Variants in MYZAP observed in about 807,000 individuals in gnomAD.
MYZAP encodes the protein myocardial zonula adherens protein, also known as GRINL1A complex locus upstream.
MYZAP carries 66 observed loss-of-function variants against 69.4 expected under a neutral mutation model. The observed-to-expected ratio is 0.95, with a 90% confidence interval of 0.78 to 1.17. The LOEUF (loss-of-function observed/expected upper bound fraction) is 1.17. MYZAP is among the 50% of genes most tolerant of loss of function. The pLI is 0.00. For synonymous variants in MYZAP, 256 were observed against 205.9 expected, an observed-to-expected ratio of 1.24 and a Z score of -2.09; for missense variants, 611 against 556.2, an observed-to-expected ratio of 1.10 and a Z score of -0.99.
chr15:57,652,868 G>A (rs1308046131), intron 10 of MYZAP, among the ~76,000 whole-genome samples: 2 of 152,118 alleles, frequency 1.3e-5, no homozygotes, highest in Non-Finnish European at 2.9e-5. Context: ...ATAACGTGAT[G>A]GCATAAATTT....
intron 8 of MYZAP, among the ~76,000 whole-genome samples, chr15:57,637,486 A>T (rs775739680): frequency 3.9e-5 from 6 of 152,180 alleles, no homozygotes; most frequent in Non-Finnish European, 7.3e-5. Context: ...TTTATTTAGG[A>T]TGTTTTGTCT....
At chr15:57,673,300 A>T (rs115041361) in intron 11 of MYZAP, among the ~76,000 whole-genome samples, 336 of 152,294 alleles carry the variant, frequency 2.2e-3, no homozygotes, top group African/African-American at 7.9e-3. Flanking sequence ...AAGTCTTTAC[A>T]CTAAGAAGGG....
intron 10 of MYZAP, among the ~76,000 whole-genome samples, chr15:57,642,582 G>A (rs987570041): frequency 1.3e-5 from 2 of 152,118 alleles, no homozygotes; most frequent in Non-Finnish European, 2.9e-5. Context: ...ACCATGGATG[G>A]AAGTCTCGTC....
intron 11 of MYZAP, among the ~76,000 whole-genome samples, chr15:57,662,947 TA>T: frequency 6.6e-6 from 1 of 152,224 alleles, no homozygotes; most frequent in African/African-American, 2.4e-5. Context: ...TGAAGCTGAG[TA>T]AATGGGTATT....
rs2036646418 is a variant in MYZAP at position 57,633,727 on chromosome 15, G to A, written c.919G>A (p.Glu307Lys). Residue 307 changes from glutamate to lysine, a missense_variant, in exon 8 of 13, where the codon GAG becomes AAG. By Grantham distance (56) the Glu-to-Lys change is moderately conservative. Coordinates refer to ENST00000267853, the MANE Select transcript of MYZAP (RefSeq NM_001018100.5). ...QRIGELDRLI[E>K]RMEKERHQLQ... ...GATCGGGGAGCTGGACAGGCTGATT[G>A]AGCGCATGGAAAAGGTAGGACACAG... 1 of 1,607,972 alleles carries A rather than the reference G, an allele frequency of 6.2e-7. No homozygotes were observed. Among genetic ancestry groups the A allele is most frequent in the Non-Finnish European group, 8.5e-7 (1 of 1,177,364 alleles).
chr15:57,684,111 G>C (rs1303208131), intron 12 of MYZAP, among the ~76,000 whole-genome samples: 1 of 120,900 alleles, frequency 8.3e-6, no homozygotes, highest in Non-Finnish European at 1.9e-5. Flanking sequence ...TCTCTCATAA[G>C]GCCACTAATC....
At chr15:57,660,468 C>G (rs377233819) in intron 10 of MYZAP, among the ~76,000 whole-genome samples, 1 of 152,036 alleles carries the variant, frequency 6.6e-6, no homozygotes, top group Non-Finnish European at 1.5e-5. Flanking sequence ...GGACACACCA[C>G]CACACCCAGC....
chr15:57,623,360 G>A (rs1193023347), intron 4 of MYZAP, among the ~76,000 whole-genome samples: 1 of 152,152 alleles, frequency 6.6e-6, no homozygotes, highest in East Asian at 1.9e-4. Context: ...TCACATATGA[G>A]GAAAGACATA....
intron 10 of MYZAP, among the ~76,000 whole-genome samples, chr15:57,651,482 C>G (rs2037724503): frequency 6.6e-6 from 1 of 152,214 alleles, no homozygotes; most frequent in Non-Finnish European, 1.5e-5. Context: ...ACCTTCCTCC[C>G]AGCCCTGCCA....
chr15:57,617,040 C>T (rs927341203), intron 2 of MYZAP, among the ~76,000 whole-genome samples: 1 of 151,714 alleles, frequency 6.6e-6, no homozygotes, highest in Non-Finnish European at 1.5e-5. Context: ...TTACTTCTGT[C>T]CCTTCCATGT....
At chr15:57,655,800 A>G (rs752697031) in intron 10 of MYZAP, among the ~76,000 whole-genome samples, 66 of 152,212 alleles carry the variant, frequency 4.3e-4, no homozygotes, top group Non-Finnish European at 8.2e-4. Context: ...TTCTATTAAC[A>G]TCAGTTAAAA....
intron 11 of MYZAP, among the ~76,000 whole-genome samples, chr15:57,665,118 C>T (rs529404218): frequency 1.3e-5 from 2 of 152,316 alleles, no homozygotes; most frequent in South Asian, 4.1e-4. Context: ...TGGAGACTAT[C>T]ATCAAACTCA....
At chr15:57,680,485 TCACACACACA>T (rs71950892) in intron 12 of MYZAP, among the ~76,000 whole-genome samples, 5 of 142,992 alleles carry the variant, frequency 3.5e-5, no homozygotes, top group East Asian at 2.0e-4. Context: ...GTTCAGGAGT[TCACACACACA>T]CACACACACA....
In MYZAP at chr15:57,614,258, C is replaced by G. The variant is rs147602593; in HGVS notation, c.163-3775C>G. On this transcript the variant is annotated intron_variant, in intron 2 of 12. Coordinates refer to ENST00000267853, the MANE Select transcript of MYZAP (RefSeq NM_001018100.5). Reference sequence around the variant, plus strand: ...CAAGTATTTATTGAGAGACTCATTGCACGTCAGTCACTGTTAGATCTGGGA... The same window carrying G: ...CAAGTATTTATTGAGAGACTCATTGGACGTCAGTCACTGTTAGATCTGGGA... Among the ~76,000 whole-genome samples the G allele has an allele frequency of 8.1e-3, 1,234 of 152,322 alleles. 12 individuals are homozygous for G. The highest frequency in any genetic ancestry group is 0.045 in the South Asian group (218 of 4,826).
intron 4 of MYZAP, among the ~76,000 whole-genome samples, chr15:57,621,990 C>CCAAACAAG (rs2035849191): frequency 6.6e-6 from 1 of 152,048 alleles, no homozygotes. Flanking sequence ...CACATACTGG[C>CCAAACAAG]CAAACAAGAG....
chr15:57,684,352 G>T, intron 12 of MYZAP, 50 bp from the exon 13 acceptor site: 1 of 1,203,008 alleles, frequency 8.3e-7, no homozygotes, highest in South Asian at 1.2e-5. Context: ...AAGCATATGG[G>T]GGGTTTTGTT....
intron 1 of MYZAP, 22 bp downstream of exon 1, chr15:57,592,131 C>G: frequency 7.8e-7 from 1 of 1,290,160 alleles, no homozygotes. Context: ...GGGCGGGAGC[C>G]GCCGCCGTCC....
At chr15:57,653,579 C>T (rs1421110759) in intron 10 of MYZAP, among the ~76,000 whole-genome samples, 2 of 152,016 alleles carry the variant, frequency 1.3e-5, no homozygotes, top group African/African-American at 4.8e-5. Context: ...TTTTGTTTTT[C>T]GTTTTCTGTT....
chr15:57,683,450 AT>A (rs2039537619), intron 12 of MYZAP, among the ~76,000 whole-genome samples: 1 of 152,142 alleles, frequency 6.6e-6, no homozygotes, highest in Non-Finnish European at 1.5e-5. Flanking sequence ...GTACATGAAA[AT>A]TTTTTATGTA....
Sources: allele counts gnomAD v4.1 joint callset (sites outside exome capture counted in the v4.1 genomes callset), GRCh38; gene constraint gnomAD v4.1.1; transcripts MANE v1.5; gene names NCBI Gene and HGNC (gene_info 2026-07-23, HGNC 2026-07-21).